Variants in ZBTB20 observed in about 807,000 individuals in gnomAD.
ZBTB20 encodes the protein zinc finger and BTB domain containing 20, also known as zinc finger and BTB domain-containing protein 20.
Under a neutral mutation model 56.9 loss-of-function variants are expected in ZBTB20, and 9 were observed. The ratio of observed to expected loss-of-function variants is 0.16; its 90% CI spans 0.10 to 0.28. ZBTB20 has a LOEUF of 0.28. Ranked by LOEUF, ZBTB20 falls within the 10% of genes least tolerant of loss-of-function variation. ZBTB20 has a pLI of 1.00. For synonymous variants in ZBTB20, 417 were observed against 420.7 expected, an observed-to-expected ratio of 0.99 and a Z score of 0.11; for missense variants, 655 against 1,003.0, an observed-to-expected ratio of 0.65 and a Z score of 4.69.
At chr3:114,982,219 T>C (rs759059419) in intron 2 of ZBTB20, among the ~76,000 whole-genome samples, 38 of 152,228 alleles carry the variant, frequency 2.5e-4, no homozygotes, top group Non-Finnish European at 4.3e-4. Context: ...ATTATCATAA[T>C]AACTTCTCAA....
At chr3:114,472,840 A>C (rs924879208) in intron 7 of ZBTB20, among the ~76,000 whole-genome samples, 7 of 152,164 alleles carry the variant, frequency 4.6e-5, no homozygotes, top group Admixed American at 3.3e-4. Context: ...TAATAACAAG[A>C]GCTATGTGAA....
intron 6 of ZBTB20, among the ~76,000 whole-genome samples, chr3:114,557,094 G>C (rs528748558): frequency 6.6e-6 from 1 of 152,004 alleles, no homozygotes; most frequent in Non-Finnish European, 1.5e-5. Flanking sequence ...GAAAGATGTA[G>C]ACAAATTAGG....
At chr3:114,703,921 G>A (rs2063552143) in intron 5 of ZBTB20, among the ~76,000 whole-genome samples, 1 of 152,148 alleles carries the variant, frequency 6.6e-6, no homozygotes, top group Non-Finnish European at 1.5e-5. Flanking sequence ...GGATCCAGGT[G>A]TCACATTTGC....
In ZBTB20 at chr3:114,687,457, C is replaced by CA. The variant is rs1176184130; in HGVS notation, c.-295+6070dup. ...CCACAGGCAGAACTATGAGAAAAGA[C>CA]AAAGGCAAGATCACCAGTTGACAAC... is the stretch of plus-strand genomic sequence containing the variant. On this transcript the variant is annotated intron_variant, in intron 6 of 11. Coordinates refer to ENST00000675478, the MANE Select transcript of ZBTB20 (RefSeq NM_001348800.3). 2.0e-5 allele frequency: 3 copies of CA among 152,002 alleles called. No individual in the cohort carries two copies. In the East Asian group the frequency reaches 5.8e-4, roughly 29 times the overall value. The allele number at this position is 152,002 out of a possible 1,614,324, so 9.4% of individuals were successfully genotyped here.
intron 6 of ZBTB20, among the ~76,000 whole-genome samples, chr3:114,669,205 A>G (rs2061226713): frequency 6.6e-6 from 1 of 152,020 alleles, no homozygotes; most frequent in Non-Finnish European, 1.5e-5. Context: ...ACAGACATCT[A>G]CCCTGCATCC....
At chr3:114,632,278 T>C (rs1029795351) in intron 6 of ZBTB20, among the ~76,000 whole-genome samples, 7 of 152,172 alleles carry the variant, frequency 4.6e-5, no homozygotes, top group Non-Finnish European at 1.0e-4. Context: ...TGATTTCCTT[T>C]TGTTTGTGCT....
At chr3:114,472,690 A>C (rs1290049542) in intron 7 of ZBTB20, among the ~76,000 whole-genome samples, 6 of 142,782 alleles carry the variant, frequency 4.2e-5, no homozygotes, top group African/African-American at 1.6e-4. Flanking sequence ...CCTGGACAAC[A>C]AGAGCGAAAC....
At chr3:114,669,626 T>TAAA (rs374255851) in intron 6 of ZBTB20, among the ~76,000 whole-genome samples, 1 of 142,530 alleles carries the variant, frequency 7.0e-6, no homozygotes, top group Non-Finnish European at 1.5e-5. Context: ...GTGAACACAT[T>TAAA]AAAAAAAAAA....
intron 6 of ZBTB20, among the ~76,000 whole-genome samples, chr3:114,541,777 T>G (rs374965450): frequency 2.6e-5 from 4 of 152,140 alleles, no homozygotes; most frequent in East Asian, 1.9e-4. Context: ...CAAAGGTGAA[T>G]AGGGACTGGA....
chr3:114,575,689 A>G (rs2053940881), intron 6 of ZBTB20, among the ~76,000 whole-genome samples: 2 of 152,202 alleles, frequency 1.3e-5, no homozygotes, highest in South Asian at 4.1e-4. Flanking sequence ...TCCATTTAAT[A>G]TGATATGATG....
chr3:114,428,663 C>T (rs1389698773), intron 7 of ZBTB20, among the ~76,000 whole-genome samples: 1 of 152,282 alleles, frequency 6.6e-6, no homozygotes, highest in East Asian at 1.9e-4. Flanking sequence ...GTACAAGTCC[C>T]CAGCCCCTAG....
chr3:114,659,096 T>C (rs1174813826), intron 6 of ZBTB20, among the ~76,000 whole-genome samples: 1 of 152,184 alleles, frequency 6.6e-6, no homozygotes. Context: ...TCTTTCTTCC[T>C]TGTAGTAATT....
chr3:114,594,839 A>G (rs1445944589), intron 6 of ZBTB20, among the ~76,000 whole-genome samples: 1 of 152,140 alleles, frequency 6.6e-6, no homozygotes, highest in African/African-American at 2.4e-5. Context: ...TGTGTATGTT[A>G]TGTTTTATTT....
chr3:114,464,449 T>G (rs1369420164), intron 7 of ZBTB20, among the ~76,000 whole-genome samples: 1 of 152,204 alleles, frequency 6.6e-6, no homozygotes, highest in Admixed American at 6.5e-5. Context: ...GGAGGCTCTA[T>G]GTACTATGGT....
chr3:114,368,489 G>A (rs1371191108), intron 10 of ZBTB20, among the ~76,000 whole-genome samples: 1 of 152,158 alleles, frequency 6.6e-6, no homozygotes, highest in African/African-American at 2.4e-5. Flanking sequence ...TCTCCTCATT[G>A]CTTCTAAGTT....
chr3:115,011,950 G>T (rs1322910712), intron 2 of ZBTB20, among the ~76,000 whole-genome samples: 21 of 151,772 alleles, frequency 1.4e-4, no homozygotes, highest in Admixed American at 1.4e-3. Flanking sequence ...TTTTCTATTT[G>T]CCTGTTTGTT....
At chr3:114,408,661 G>C (rs951928903) in intron 7 of ZBTB20, among the ~76,000 whole-genome samples, 1 of 152,056 alleles carries the variant, frequency 6.6e-6, no homozygotes, top group African/African-American at 2.4e-5. Flanking sequence ...CTCACAAGTA[G>C]ACATTTCCTT....
chr3:115,001,805 C>G (rs1263725331), intron 2 of ZBTB20, among the ~76,000 whole-genome samples: 2 of 151,488 alleles, frequency 1.3e-5, no homozygotes, highest in East Asian at 2.0e-4. Flanking sequence ...TCAATACTAT[C>G]AAAATATTAC....
intron 7 of ZBTB20, among the ~76,000 whole-genome samples, chr3:114,475,111 T>A (rs981555343): frequency 5.3e-5 from 8 of 152,318 alleles, no homozygotes; most frequent in Admixed American, 3.9e-4. Context: ...CTACTTATCT[T>A]CACACATTCC....
Sources: allele counts gnomAD v4.1 joint callset (sites outside exome capture counted in the v4.1 genomes callset), GRCh38; gene constraint gnomAD v4.1.1; transcripts MANE v1.5; gene names NCBI Gene and HGNC (gene_info 2026-07-23, HGNC 2026-07-21).